Variants in SMOC1 observed in about 807,000 individuals in gnomAD.
The protein encoded by SMOC1 is SPARC-related modular calcium-binding protein 1.
SMOC1 carries 22 observed loss-of-function variants against 56.3 expected under a neutral mutation model. The observed-to-expected ratio is 0.39, with a 90% CI of 0.28 to 0.56. The LOEUF (loss-of-function observed/expected upper bound fraction) is 0.56, where lower values mean the gene tolerates loss of function less well. Ranked by LOEUF, SMOC1 falls within the 20% of genes least tolerant of loss-of-function variation. The pLI, the probability that SMOC1 is intolerant of heterozygous loss-of-function variation, is 0.61. For missense variants in SMOC1, 509 were observed against 565.4 expected (o/e 0.90, Z 1.01); for synonymous variants, 193 against 215.0 (o/e 0.90, Z 0.89).
intron 1 of SMOC1, among the ~76,000 whole-genome samples, chr14:69,916,062 C>G (rs999438872): frequency 7.2e-5 from 11 of 152,204 alleles, no homozygotes; most frequent in Non-Finnish European, 1.6e-4. Context: ...CTCAACATCT[C>G]TATGTGGGCG....
At chr14:69,890,261 T>G (rs1883924777) in intron 1 of SMOC1, among the ~76,000 whole-genome samples, 1 of 152,250 alleles carries the variant, frequency 6.6e-6, no homozygotes, top group South Asian at 2.1e-4. Flanking sequence ...AATAAATGTT[T>G]ATTGAATAAT....
chr14:69,975,488 A>C (rs1883914625), intron 3 of SMOC1, among the ~76,000 whole-genome samples: 1 of 152,180 alleles, frequency 6.6e-6, no homozygotes, highest in Non-Finnish European at 1.5e-5. Flanking sequence ...AATAAGAGAG[A>C]AGCAGGTAAA....
rs1884690953 is a variant in SMOC1 at position 69,994,455 on chromosome 14, G to A, written c.639G>A (p.Leu213=). The A allele has an allele frequency of 6.2e-7, 1 of 1,613,582 alleles. No homozygotes were observed. The highest frequency in any genetic ancestry group is 1.1e-5 in the South Asian group (1 of 91,074). Residue 213 remains leucine, a synonymous_variant, in exon 7 of 12, where the codon CTG becomes CTA. Transcript: ENST00000361956. The part of the protein sequence containing the change: ...IKHLVIKDSK[L]NNTNIRNSEK... ...ACTTGGTGATCAAGGACTCCAAACTGAACAACACCAACATAAGAAATTCAG... is the reference window on the plus strand; with the variant it reads ...ACTTGGTGATCAAGGACTCCAAACTAAACAACACCAACATAAGAAATTCAG...
intron 3 of SMOC1, among the ~76,000 whole-genome samples, chr14:69,969,356 G>T (rs900633978): frequency 6.6e-6 from 1 of 152,136 alleles, no homozygotes; most frequent in Non-Finnish European, 1.5e-5. Flanking sequence ...CATGATGCTG[G>T]CATCTACTCC....
At chr14:69,888,652 A>G (rs933714222) in intron 1 of SMOC1, among the ~76,000 whole-genome samples, 1 of 149,828 alleles carries the variant, frequency 6.7e-6, no homozygotes, top group Non-Finnish European at 1.5e-5. Flanking sequence ...ATTGGATTCT[A>G]TAAGATAAGG....
At chr14:69,930,204 C>T (rs968294333) in intron 1 of SMOC1, among the ~76,000 whole-genome samples, 4 of 151,602 alleles carry the variant, frequency 2.6e-5, no homozygotes, top group Admixed American at 6.6e-5. Flanking sequence ...CTGACAGCAC[C>T]CTTCTCACCC....
intron 1 of SMOC1, among the ~76,000 whole-genome samples, chr14:69,911,128 C>T (rs1467481874): frequency 6.6e-6 from 1 of 152,066 alleles, no homozygotes; most frequent in Admixed American, 6.6e-5. Flanking sequence ...AGCTATTGTT[C>T]TGTGTTTCAG....
chr14:70,003,380 A>G (rs1311026211), intron 7 of SMOC1, among the ~76,000 whole-genome samples: 1 of 152,114 alleles, frequency 6.6e-6, no homozygotes, highest in Admixed American at 6.5e-5. Context: ...CCAGTGCTTG[A>G]TGGTCTGAGG....
intron 10 of SMOC1, among the ~76,000 whole-genome samples, chr14:70,020,033 A>G (rs1007764064): frequency 4.6e-5 from 7 of 150,950 alleles, no homozygotes; most frequent in Admixed American, 6.6e-5. Context: ...CCTTCCAGCT[A>G]CTGTCTTTTG....
intron 3 of SMOC1, among the ~76,000 whole-genome samples, chr14:69,969,945 T>G (rs967185823): frequency 1.3e-5 from 2 of 152,002 alleles, no homozygotes; most frequent in Non-Finnish European, 2.9e-5. Context: ...GAGAAGAAAG[T>G]GGGCACCTGC....
intron 1 of SMOC1, among the ~76,000 whole-genome samples, chr14:69,923,881 C>CCA: frequency 1.3e-5 from 2 of 152,326 alleles, no homozygotes; most frequent in Middle Eastern, 6.8e-3. Context: ...AATGTCCTGC[C>CCA]TTGGCCTGAG....
intron 1 of SMOC1, among the ~76,000 whole-genome samples, chr14:69,932,756 GT>G (rs1421428780): frequency 1.3e-5 from 2 of 152,148 alleles, no homozygotes; most frequent in Non-Finnish European, 1.5e-5. Flanking sequence ...CTTTTTCCTG[GT>G]GACCACTTAC....
chr14:70,011,719 T>C, intron 9 of SMOC1, 152 bp downstream of exon 9: 1 of 754,786 alleles, frequency 1.3e-6, no homozygotes, highest in South Asian at 1.5e-5. Flanking sequence ...CTGGGATTTA[T>C]CCCTAATTAG....
chr14:70,028,356 C>T (rs752967152), intron 11 of SMOC1, among the ~76,000 whole-genome samples: 1 of 152,172 alleles, frequency 6.6e-6, no homozygotes, highest in Non-Finnish European at 1.5e-5. Flanking sequence ...TTCCATCCTC[C>T]CTGATGGCTC....
chr14:69,996,820 T>C (rs763348037), intron 7 of SMOC1, among the ~76,000 whole-genome samples: 5 of 152,230 alleles, frequency 3.3e-5, no homozygotes, highest in Non-Finnish European at 7.3e-5. Flanking sequence ...GATCAACTGG[T>C]AATATTGACT....
intron 1 of SMOC1, among the ~76,000 whole-genome samples, chr14:69,901,783 G>C (rs1457672297): frequency 6.6e-6 from 1 of 152,208 alleles, no homozygotes. Flanking sequence ...TGGGAAACAG[G>C]GACTTGTCAG....
At chr14:69,898,546 T>C (rs1221654542) in intron 1 of SMOC1, among the ~76,000 whole-genome samples, 1 of 152,190 alleles carries the variant, frequency 6.6e-6, no homozygotes, top group African/African-American at 2.4e-5. Context: ...AGAGATTCTT[T>C]CCTCTGCCAT....
intron 10 of SMOC1, among the ~76,000 whole-genome samples, chr14:70,014,177 G>T (rs1386770782): frequency 6.6e-6 from 1 of 152,232 alleles, no homozygotes; most frequent in African/African-American, 2.4e-5. Context: ...GGCTAAGGAT[G>T]AGGTATCTGG....
At chr14:69,949,325 G>T (rs1161568667) in intron 1 of SMOC1, among the ~76,000 whole-genome samples, 1 of 152,192 alleles carries the variant, frequency 6.6e-6, no homozygotes, top group Admixed American at 6.5e-5. Flanking sequence ...ACTGGCAGGT[G>T]TTGAGGGAAT....
Sources: gnomAD v4.1 joint callset for allele counts (sites outside exome capture counted in the v4.1 genomes callset) on GRCh38, gnomAD v4.1.1 for gene constraint, MANE v1.5 for transcripts, NCBI Gene and HGNC (gene_info 2026-07-23, HGNC 2026-07-21) for gene names.